RARG: variants seen among roughly 807,000 people sequenced by gnomAD.
RARG encodes retinoic acid receptor gamma, also known as RAR-gamma.
In RARG, 17 loss-of-function variants were observed where a neutral mutation model predicts 43.7. The ratio of observed to expected loss-of-function variants is 0.39; its 90% CI spans 0.27 to 0.58. The LOEUF (loss-of-function observed/expected upper bound fraction) is 0.58. RARG is among the 20% of genes least tolerant of loss of function. RARG has a pLI of 0.57. For missense variants in RARG, 346 were observed against 598.7 expected, an observed-to-expected ratio of 0.58 and a Z score of 4.40; for synonymous variants, 238 against 236.4, an observed-to-expected ratio of 1.01 and a Z score of -0.06.
intron 2 of RARG, chr12:53,229,856 G>T: frequency 2.6e-6 from 2 of 770,422 alleles, no homozygotes; most frequent in Non-Finnish European, 3.2e-6. Context: ...GGGAAACACA[G>T]GCAGGTAGGG....
chr12:53,210,874 G>A lies in RARG; in HGVS notation c.*802C>T, dbSNP rs1942570208. Reference sequence around the variant, plus strand: ...TCTGGGTCAGGGCGGGATCAGCTAAGCAGCATCCCCCCTCCCTGGGCCAAG... The same window carrying A: ...TCTGGGTCAGGGCGGGATCAGCTAAACAGCATCCCCCCTCCCTGGGCCAAG... On this transcript the variant is annotated 3_prime_UTR_variant, in exon 10 of 10. Transcript: ENST00000425354. 6.6e-6 allele frequency: 1 copy of A among 152,176 alleles called. No individual in the cohort carries two copies. The highest frequency in any genetic ancestry group is 1.5e-5 in the Non-Finnish European group (1 of 67,746). 9.4% of individuals were successfully genotyped at this position (152,176 alleles called of 1,614,324 possible).
At chr12:53,219,880 T>C in intron 3 of RARG, 2 of 1,370,764 alleles carry the variant, frequency 1.5e-6, no homozygotes, top group Non-Finnish European at 1.9e-6. Flanking sequence ...GTTCCACTCT[T>C]TACACACGGA....
Position 53,227,674 on chromosome 12 carries a change from G to A in RARG, c.-129C>T. On this transcript the variant is annotated 5_prime_UTR_variant, in exon 3 of 10. Transcript: ENST00000425354. The surrounding 1 kb of genome is among the most constrained non-coding windows in gnomAD (Gnocchi z 4.3). ...CCCGCCCTGCCTGGCCTGCCCACTG[G>A]GCCTCCAAAAGTCCTAGGGAGAAAG... is the stretch of plus-strand genomic sequence containing the variant. 7.6e-7 allele frequency: 1 copy of A among 1,319,990 alleles called. No homozygotes were observed. The highest frequency in any genetic ancestry group is 9.7e-7 in the Non-Finnish European group (1 of 1,031,114). 81.8% of individuals were successfully genotyped at this position (1,319,990 alleles called of 1,614,324 possible). A position where few individuals can be genotyped will look rare whatever the true frequency, so the allele number is the denominator to read the frequency against.
chr12:53,232,091 A>C lies in RARG; in HGVS notation c.-327T>G. ...CGTACTGGGGGGCTCCTGGGGGGGCACGGCTCTAGGCTGGGACTGTCCCGG... is the reference window on the plus strand; with the variant it reads ...CGTACTGGGGGGCTCCTGGGGGGGCCCGGCTCTAGGCTGGGACTGTCCCGG... On this transcript the variant is annotated 5_prime_UTR_variant, in exon 1 of 10. Coordinates refer to ENST00000425354, the MANE Select transcript of RARG (RefSeq NM_000966.6). 1 of 398,538 alleles carries C rather than the reference A, an allele frequency of 2.5e-6. No individual in the cohort carries two copies. The highest frequency in any genetic ancestry group is 4.4e-6 in the Non-Finnish European group (1 of 226,056). 24.7% of individuals were successfully genotyped at this position (398,538 alleles called of 1,614,324 possible). A position where few individuals can be genotyped will look rare whatever the true frequency, so the allele number is the denominator to read the frequency against.
In RARG at chr12:53,213,139, T is replaced by G; in HGVS notation, c.1123A>C (p.Met375Leu). The change falls in exon 9 of 10, where the codon ATG becomes CTG. Residue 375 changes from methionine to leucine, a missense_variant. By Grantham distance (15) the Met-to-Leu change is conservative (BLOSUM62 2). Transcript: ENST00000425354. This position sits in a 1 kb window ranked among gnomAD's most constrained non-coding sequence, Gnocchi z 4.7. ...ARRRRPSQPY[M>L]FPRMLMKITD... ...ATTTTCATTAGCATCCTTGGGAACATGTAGGGCTGGCTGGGCCGCCGGCGC... is the reference window on the plus strand; with the variant it reads ...ATTTTCATTAGCATCCTTGGGAACAGGTAGGGCTGGCTGGGCCGCCGGCGC... The G allele has an allele frequency of 1.9e-6, 3 of 1,614,136 alleles. No homozygotes were observed. The South Asian group carries it at 3.3e-5, about 18-fold the overall frequency.
chr12:53,225,316 A>G (rs969019504), intron 3 of RARG, among the ~76,000 whole-genome samples: 1 of 152,138 alleles, frequency 6.6e-6, no homozygotes, highest in Non-Finnish European at 1.5e-5. Flanking sequence ...GCAGCACTAC[A>G]AAATCCCTCC....
intron 3 of RARG, among the ~76,000 whole-genome samples, chr12:53,218,853 G>A (rs1292586604): frequency 3.9e-5 from 2 of 50,666 alleles, no homozygotes; most frequent in East Asian, 9.6e-4. Context: ...CCTCATCCCC[G>A]GGCCGTCCGC....
intron 3 of RARG, among the ~76,000 whole-genome samples, chr12:53,222,325 A>G (rs1942996809): frequency 6.6e-6 from 1 of 152,072 alleles, no homozygotes; most frequent in South Asian, 2.1e-4. Context: ...GAAAGAAAGA[A>G]CTTTCTGAAT....
chr12:53,212,983 G>GGT, intron 9 of RARG, 102 bp downstream of exon 9: 1 of 1,298,780 alleles, frequency 7.7e-7, no homozygotes, highest in Non-Finnish European at 1.0e-6. Flanking sequence ...TAGATTGCCT[G>GGT]GTTCTCAACT....
chr12:53,220,199 G>A (rs755338971), intron 3 of RARG: 9 of 1,543,096 alleles, frequency 5.8e-6, no homozygotes, highest in African/African-American at 2.7e-5. Flanking sequence ...AGCAGGGGGG[G>A]AGGGGGAGGG....
At chr12:53,216,839 T>C (rs964743848) in intron 3 of RARG, among the ~76,000 whole-genome samples, 208 of 146,796 alleles carry the variant, frequency 1.4e-3, no homozygotes, top group Admixed American at 8.2e-3. Context: ...TGTGTGTGTG[T>C]GTGCGCGCGC....
At chr12:53,212,169 G>A (rs1013131574) in intron 9 of RARG, among the ~76,000 whole-genome samples, 7 of 152,150 alleles carry the variant, frequency 4.6e-5, no homozygotes, top group African/African-American at 9.7e-5. Context: ...CCCCACTCTC[G>A]AATGTCCAGA....
rs1336266090 is a variant in RARG at position 53,210,690 on chromosome 12, G to A, written c.*986C>T. 1 of 152,670 alleles carries A rather than the reference G, an allele frequency of 6.6e-6. No homozygotes were observed. The highest frequency in any genetic ancestry group is 2.4e-5 in the African/African-American group (1 of 41,436). The allele number at this position is 152,670 out of a possible 1,614,324, so 9.5% of individuals were successfully genotyped here. ...ACCCTGACCCCCCAAGAGAACACAG[G>A]GAGCCAATGGGAATCTTATTTGGCA... On this transcript the variant is annotated 3_prime_UTR_variant, in exon 10 of 10. Coordinates refer to ENST00000425354, the MANE Select transcript of RARG (RefSeq NM_000966.6).
intron 2 of RARG, among the ~76,000 whole-genome samples, chr12:53,230,771 G>T (rs1198352103): frequency 6.6e-6 from 1 of 151,836 alleles, no homozygotes; most frequent in Non-Finnish European, 1.5e-5. Context: ...TGAGCCAGGG[G>T]TGGGGGTGTG....
chr12:53,212,727 A>AATATAT (rs775006726), intron 9 of RARG, among the ~76,000 whole-genome samples: 28 of 144,786 alleles, frequency 1.9e-4, no homozygotes, highest in African/African-American at 7.1e-4. Flanking sequence ...TTTGTCTCTA[A>AATATAT]ATATATATAT....
Position 53,227,103 on chromosome 12 carries a change from A to AC in RARG, c.184+258dup, listed in dbSNP as rs1565730704. Among the ~76,000 whole-genome samples, 1 of 150,762 alleles carries AC rather than the reference A, an allele frequency of 6.6e-6. No individual in the cohort carries two copies. The highest frequency in any genetic ancestry group is 1.9e-4 in the East Asian group (1 of 5,148). ...ACCCAGGAGGCAGTTTTAGATACCC[A>AC]CCCCCCAAGTTTTAGGCCTGCTACC... On this transcript the variant is annotated intron_variant, in intron 3 of 9. Coordinates refer to ENST00000425354, the MANE Select transcript of RARG (RefSeq NM_000966.6). The surrounding 1 kb of genome is among the most constrained non-coding windows in gnomAD (Gnocchi z 4.3).
At position 53,227,353 on chromosome 12, in the gene RARG, G is replaced by A. The variant is rs1425171258; in HGVS notation, c.184+9C>T. The A allele has an allele frequency of 1.3e-6, 2 of 1,528,760 alleles. No individual in the cohort carries two copies. The highest frequency in any genetic ancestry group is 1.8e-6 in the Non-Finnish European group (2 of 1,136,546). The allele number at this position is 1,528,760 out of a possible 1,614,324, so 94.7% of individuals were successfully genotyped here. ...TTTGCCTTCATTCCCCAAGATCCCT[G>A]AGACTCACACAGAGAGGCCATCTCC... On this transcript the variant is annotated intron_variant, in intron 3 of 9. Coordinates refer to ENST00000425354, the MANE Select transcript of RARG (RefSeq NM_000966.6). The surrounding 1 kb of genome is among the most constrained non-coding windows in gnomAD (Gnocchi z 4.3).
chr12:53,219,776 C>T (rs1275856946), intron 3 of RARG, among the ~76,000 whole-genome samples: 1 of 152,250 alleles, frequency 6.6e-6, no homozygotes, highest in East Asian at 1.9e-4. Context: ...ACTCCAAACA[C>T]TACTGCACAC....
rs899428491 is a variant in RARG, at chr12:53,213,322, C to T, written c.1019-79G>A. The stretch of plus-strand genomic sequence containing the variant: ...CAGTGACAGATGGCTGATCACCAAC[C>T]GGCGTTTTGGGAAGCCTGTACAGGG... On this transcript the variant is annotated intron_variant, in intron 8 of 9. Coordinates refer to ENST00000425354, the MANE Select transcript of RARG (RefSeq NM_000966.6). This position sits in a 1 kb window ranked among gnomAD's most constrained non-coding sequence, Gnocchi z 4.7. 116 of 1,494,414 alleles carry T rather than the reference C, an allele frequency of 7.8e-5. No homozygotes were observed. The highest frequency in any genetic ancestry group is 2.5e-4 in the East Asian group (11 of 44,046). The allele number at this position is 1,494,414 out of a possible 1,614,324, so 92.6% of individuals were successfully genotyped here. A position where few individuals can be genotyped will look rare whatever the true frequency, so the allele number is the denominator to read the frequency against.
Sources: gnomAD v4.1 joint callset for allele counts (sites outside exome capture counted in the v4.1 genomes callset) on GRCh38, gnomAD v4.1.1 for gene constraint, Gnocchi (gnomAD v3.1) non-coding constraint, MANE v1.5 for transcripts, NCBI Gene and HGNC (gene_info 2026-07-23, HGNC 2026-07-21) for gene names.